TRIP4: variants seen among roughly 807,000 people sequenced by gnomAD.
TRIP4 encodes the protein thyroid hormone receptor interactor 4, also known as activating signal cointegrator 1.
Under a neutral mutation model 81.8 loss-of-function variants are expected in TRIP4, and 54 were observed. The ratio of observed to expected loss-of-function variants is 0.66; its 90% CI spans 0.53 to 0.83. The LOEUF (loss-of-function observed/expected upper bound fraction) is 0.83, where lower values mean the gene tolerates loss of function less well. TRIP4 is among the 40% of genes least tolerant of loss of function. TRIP4 has a pLI of 0.00. For synonymous variants in TRIP4, 270 were observed against 242.8 expected (o/e 1.11, Z -1.04); for missense variants, 662 against 683.6 (o/e 0.97, Z 0.35).
At chr15:64,390,360 G>C (rs1209610274) in intron 1 of TRIP4, among the ~76,000 whole-genome samples, 1 of 151,076 alleles carries the variant, frequency 6.6e-6, no homozygotes, top group Non-Finnish European at 1.5e-5. Context: ...TACTCGGAAG[G>C]CTGAGGCAGG....
chr15:64,444,150 G>T (rs975917331), intron 11 of TRIP4, among the ~76,000 whole-genome samples: 2 of 152,088 alleles, frequency 1.3e-5, no homozygotes, highest in African/African-American at 4.8e-5. Flanking sequence ...TACTTTTTAC[G>T]GTAGTTACTA....
intron 12 of TRIP4, among the ~76,000 whole-genome samples, chr15:64,450,368 G>A (rs1415788583): frequency 2.2e-5 from 3 of 137,614 alleles, no homozygotes; most frequent in South Asian, 2.4e-4. Flanking sequence ...CAGCCTGGGC[G>A]AGAGTGTGAG....
At chr15:64,411,972 G>A (rs765162697) in intron 7 of TRIP4, among the ~76,000 whole-genome samples, 7 of 151,968 alleles carry the variant, frequency 4.6e-5, no homozygotes, top group South Asian at 2.1e-4. Context: ...GAACCACTGC[G>A]CCCGGCACTA....
chr15:64,427,105 A>G (rs16947959), intron 11 of TRIP4, among the ~76,000 whole-genome samples: 10,380 of 152,242 alleles, frequency 0.068, 1,167 homozygotes, highest in African/African-American at 0.24. Context: ...CTGAAATGTA[A>G]GACCTTTATG....
At chr15:64,401,847 G>T (rs1271663544) in intron 5 of TRIP4, among the ~76,000 whole-genome samples, 1 of 152,098 alleles carries the variant, frequency 6.6e-6, no homozygotes, top group African/African-American at 2.4e-5. Context: ...TCCACCAATG[G>T]ATACTGAAAT....
At chr15:64,418,408 G>A (rs952065602) in intron 8 of TRIP4, 133 bp from the exon 9 acceptor site, 51 of 1,039,644 alleles carry the variant, frequency 4.9e-5, no homozygotes, top group Middle Eastern at 3.2e-4. Context: ...CACGATGCCC[G>A]GCCTGGGATA....
chr15:64,393,338 T>TTA (rs1555408703), intron 1 of TRIP4: 94 of 149,144 alleles, frequency 6.3e-4, no homozygotes, highest in Non-Finnish European at 8.5e-4. Flanking sequence ...TTTTTTTTTT[T>TTA]AGTAGAGACA....
chr15:64,416,944 T>G (rs926205745), intron 8 of TRIP4, among the ~76,000 whole-genome samples: 9 of 152,220 alleles, frequency 5.9e-5, no homozygotes, highest in Non-Finnish European at 1.2e-4. Context: ...CTGAAATCTT[T>G]AGGGGTTAAA....
At chr15:64,446,062 C>T (rs138608738) in intron 12 of TRIP4, among the ~76,000 whole-genome samples, 1,979 of 152,122 alleles carry the variant, frequency 0.013, 33 homozygotes, top group African/African-American at 0.046. Context: ...CATCTGAGGT[C>T]AGGAGTTCGA....
chr15:64,412,892 C>G (rs940194126), intron 7 of TRIP4, among the ~76,000 whole-genome samples: 1 of 152,076 alleles, frequency 6.6e-6, no homozygotes, highest in Non-Finnish European at 1.5e-5. Context: ...TCATCACATT[C>G]TTTTATAGGT....
At chr15:64,391,255 C>G (rs941455939) in intron 1 of TRIP4, among the ~76,000 whole-genome samples, 4 of 151,840 alleles carry the variant, frequency 2.6e-5, no homozygotes, top group African/African-American at 7.3e-5. Context: ...CTCCCAGGTT[C>G]AAGCAATTCT....
At chr15:64,453,902 C>T (rs1178106051) in intron 12 of TRIP4, among the ~76,000 whole-genome samples, 1 of 152,170 alleles carries the variant, frequency 6.6e-6, no homozygotes, top group African/African-American at 2.4e-5. Context: ...AGTGAAAATA[C>T]TGAAATCCAG....
intron 8 of TRIP4, 77 bp downstream of exon 8, chr15:64,414,288 T>C (rs908568146): frequency 6.3e-6 from 10 of 1,576,288 alleles, no homozygotes; most frequent in Non-Finnish European, 7.8e-6. Context: ...GTCTATTTCA[T>C]AGACTTCAGA....
At chr15:64,442,324 A>G (rs1484170132) in intron 11 of TRIP4, among the ~76,000 whole-genome samples, 2 of 152,216 alleles carry the variant, frequency 1.3e-5, no homozygotes, top group Non-Finnish European at 2.9e-5. Flanking sequence ...GGCTTGGACC[A>G]GGGAAGTAGC....
intron 12 of TRIP4, among the ~76,000 whole-genome samples, chr15:64,446,563 C>A (rs1335207049): frequency 6.6e-6 from 1 of 151,094 alleles, no homozygotes; most frequent in African/African-American, 2.4e-5. Context: ...TGCCACCACT[C>A]CTGGCTAATT....
At chr15:64,407,199 G>C (rs9919981) in intron 6 of TRIP4, among the ~76,000 whole-genome samples, 5 of 152,120 alleles carry the variant, frequency 3.3e-5, no homozygotes, top group African/African-American at 1.2e-4. Context: ...GTTGCTGACA[G>C]TGTAATCTTT....
intron 7 of TRIP4, among the ~76,000 whole-genome samples, chr15:64,410,650 A>T: frequency 6.6e-6 from 1 of 152,326 alleles, no homozygotes; most frequent in South Asian, 2.1e-4. Flanking sequence ...ATACAGAATT[A>T]TAGGAGAATA....
At chr15:64,410,675 G>A (rs1891741560) in intron 7 of TRIP4, among the ~76,000 whole-genome samples, 2 of 152,108 alleles carry the variant, frequency 1.3e-5, no homozygotes, top group African/African-American at 4.8e-5. Context: ...TATAGTCTTG[G>A]TGTGATAAAG....
intron 5 of TRIP4, 21 bp from the exon 6 acceptor site, chr15:64,406,309 G>T: frequency 6.2e-7 from 1 of 1,611,492 alleles, no homozygotes; most frequent in South Asian, 1.1e-5. Context: ...GACACCATTT[G>T]ACTTCCTTAT....
Sources: allele counts gnomAD v4.1 joint callset (sites outside exome capture counted in the v4.1 genomes callset), GRCh38; gene constraint gnomAD v4.1.1; transcripts MANE v1.5; gene names NCBI Gene and HGNC (gene_info 2026-07-23, HGNC 2026-07-21).